HSPA4: variants seen among roughly 807,000 people sequenced by gnomAD.
HSPA4 encodes the protein heat shock protein family A (Hsp70) member 4, also known as heat shock 70 kDa protein 4.
In HSPA4, 25 loss-of-function variants were observed where a neutral mutation model predicts 106.2. The observed-to-expected ratio is 0.24, with a 90% confidence interval of 0.17 to 0.33. HSPA4 has a LOEUF of 0.33. Ranked by LOEUF, HSPA4 falls within the 10% of genes least tolerant of loss-of-function variation. The pLI, the probability that HSPA4 is intolerant of heterozygous loss-of-function variation, is 1.00. For synonymous variants in HSPA4, 332 were observed against 333.6 expected (o/e 1.00, Z 0.05); for missense variants, 841 against 996.0 (o/e 0.84, Z 2.10).
At chr5:133,099,803 A>C (rs776326050) in intron 16 of HSPA4, 151 bp downstream of exon 16, 2 of 439,276 alleles carry the variant, frequency 4.6e-6, no homozygotes, top group East Asian at 6.4e-5. Context: ...GCTCATTATC[A>C]TTCTCACTTT....
intron 2 of HSPA4, among the ~76,000 whole-genome samples, chr5:133,066,472 C>G (rs1765306402): frequency 6.6e-6 from 1 of 152,134 alleles, no homozygotes; most frequent in Admixed American, 6.6e-5. Context: ...TGTAAGTCAC[C>G]TGTTCAACCA....
At position 133,099,665 on chromosome 5, in the gene HSPA4, T is replaced by G. The variant is rs754548981; in HGVS notation, c.2037+13T>G. The G allele has an allele frequency of 6.9e-7, 1 of 1,438,864 alleles. No homozygotes were observed. Among genetic ancestry groups the G allele is most frequent in the Non-Finnish European group, 9.8e-7 (1 of 1,023,340 alleles). The allele number at this position is 1,438,864 out of a possible 1,614,324, so 89.1% of individuals were successfully genotyped here. ...GGCTGAATTAAAAGTAAGTGACTCT[T>G]GAGAGCAGAGGTATCCAGAACCCTT... On this transcript the variant is annotated intron_variant, in intron 16 of 18. Coordinates refer to ENST00000304858, the MANE Select transcript of HSPA4 (RefSeq NM_002154.4).
chr5:133,090,430 CAAAAAA>C (rs56263518), intron 11 of HSPA4, among the ~76,000 whole-genome samples: 6 of 54,892 alleles, frequency 1.1e-4, no homozygotes, highest in Non-Finnish European at 1.8e-4. Flanking sequence ...GACTCTGTCT[CAAAAAA>C]AAAAAAAAAA....
chr5:133,080,857 A>G (rs1765505885), intron 7 of HSPA4, among the ~76,000 whole-genome samples: 1 of 152,082 alleles, frequency 6.6e-6, no homozygotes, highest in African/African-American at 2.4e-5. Context: ...TTTTATTGAG[A>G]TATAATTCAC....
chr5:133,092,297 C>G (rs1198155810), intron 12 of HSPA4, among the ~76,000 whole-genome samples: 1 of 152,168 alleles, frequency 6.6e-6, no homozygotes, highest in East Asian at 1.9e-4. Context: ...GAGAGGCTGA[C>G]TTAGGAACTA....
chr5:133,069,595 C>G (rs1443610691), intron 3 of HSPA4, among the ~76,000 whole-genome samples: 1 of 152,152 alleles, frequency 6.6e-6, no homozygotes, highest in African/African-American at 2.4e-5. Context: ...GTGCCAGGTC[C>G]TGTTCTAGGT....
At chr5:133,057,162 T>A (rs1765175101) in intron 1 of HSPA4, among the ~76,000 whole-genome samples, 1 of 152,196 alleles carries the variant, frequency 6.6e-6, no homozygotes, top group Admixed American at 6.5e-5. Context: ...CTCTTTTTGG[T>A]ACTTTCTAGT....
rs780150453 is a variant in HSPA4 at position 133,086,838 on chromosome 5, G to A, written c.965G>A (p.Arg322His). ...DLLARVEPPL[R>H]SVLEQTKLKK... Reference sequence around the variant, plus strand: ...TTAGCTAGAGTGGAGCCACCACTTCGTAGTGTTTTGGAACAAACCAGTAAG... The same window carrying A: ...TTAGCTAGAGTGGAGCCACCACTTCATAGTGTTTTGGAACAAACCAGTAAG... The change falls in exon 8 of 19, where the codon CGT becomes CAT. Residue 322 changes from arginine (R) to histidine (H), a missense_variant. Physicochemically the swap from Arg to His is conservative, Grantham distance 29. Transcript: ENST00000304858. 24 of 1,612,532 alleles carry A rather than the reference G, an allele frequency of 1.5e-5. No homozygotes were observed. Among genetic ancestry groups the A allele is most frequent in the Middle Eastern group, 1.6e-4 (1 of 6,078 alleles).
chr5:133,071,383 G>A (rs1765378806), intron 4 of HSPA4, among the ~76,000 whole-genome samples: 1 of 151,928 alleles, frequency 6.6e-6, no homozygotes. Flanking sequence ...AGGAGTTTGA[G>A]GCTGCAGTGA....
chr5:133,081,004 A>G (rs183852666), intron 7 of HSPA4, among the ~76,000 whole-genome samples: 1 of 152,160 alleles, frequency 6.6e-6, no homozygotes, highest in East Asian at 1.9e-4. Flanking sequence ...ATTTCCCTCC[A>G]TACCCTAGGC....
At chr5:133,097,104 AT>A in intron 14 of HSPA4, 56 bp from the exon 15 acceptor site, 1 of 1,393,326 alleles carries the variant, frequency 7.2e-7, no homozygotes, top group South Asian at 1.3e-5. Flanking sequence ...TTATATTGGT[AT>A]TTAAGAGGAA....
In HSPA4 at chr5:133,089,452, T is replaced by C. The variant is rs1169331376; in HGVS notation, c.1245-110T>C. On this transcript the variant is annotated intron_variant, in intron 10 of 18. Coordinates refer to ENST00000304858, the MANE Select transcript of HSPA4 (RefSeq NM_002154.4). ...TCTTATAATCTGGAAATAATACCAATTGAAAAGAGAGAGAAACTAACACTG... is the reference window on the plus strand; with the variant it reads ...TCTTATAATCTGGAAATAATACCAACTGAAAAGAGAGAGAAACTAACACTG... The C allele has an allele frequency of 5.2e-6, 5 of 963,310 alleles. No homozygotes were observed. The East Asian group carries it at 1.2e-4, about 24-fold the overall frequency. The allele number at this position is 963,310 out of a possible 1,614,324, so 59.7% of individuals were successfully genotyped here. A position where few individuals can be genotyped will look rare whatever the true frequency, so the allele number is the denominator to read the frequency against.
intron 13 of HSPA4, 122 bp from the exon 14 acceptor site, chr5:133,095,976 C>T: frequency 4.3e-6 from 3 of 704,444 alleles, no homozygotes; most frequent in Middle Eastern, 2.7e-4. Context: ...TCCTAAGTTA[C>T]TTAGATCATC....
intron 17 of HSPA4, 104 bp downstream of exon 17, chr5:133,101,982 A>C: frequency 1.3e-6 from 1 of 792,758 alleles, no homozygotes; most frequent in Non-Finnish European, 1.9e-6. Flanking sequence ...GCTGGAGTAC[A>C]GTGGTACAAT....
chr5:133,075,338 C>A (rs1765434609), intron 6 of HSPA4, among the ~76,000 whole-genome samples: 1 of 152,100 alleles, frequency 6.6e-6, no homozygotes, highest in Admixed American at 6.6e-5. Flanking sequence ...TTTAGCCTGG[C>A]TTTGGATCAG....
rs1765086037 is a variant in HSPA4 at position 133,052,077 on chromosome 5, C to T, written c.-174C>T. 2 of 566,658 alleles carry T rather than the reference C, an allele frequency of 3.5e-6. No individual in the cohort carries two copies. Among genetic ancestry groups the T allele is most frequent in the Non-Finnish European group, 6.3e-6 (2 of 319,500 alleles). The allele number at this position is 566,658 out of a possible 1,614,324, so 35.1% of individuals were successfully genotyped here. On this transcript the variant is annotated 5_prime_UTR_variant, in exon 1 of 19. Transcript: ENST00000304858. ...GCCACTGAGCCGGAGCCGGCCTGAG[C>T]AGCGCTCTCGGTTGCAGTACCCACT...
intron 4 of HSPA4, among the ~76,000 whole-genome samples, chr5:133,072,415 T>TTG (rs1177051206): frequency 3.4e-5 from 5 of 145,070 alleles, no homozygotes; most frequent in South Asian, 4.4e-4. Context: ...TTTTTTTTTT[T>TTG]GGAGACTGAG....
At chr5:133,088,126 A>G (rs753440331) in intron 8 of HSPA4, among the ~76,000 whole-genome samples, 1 of 152,076 alleles carries the variant, frequency 6.6e-6, no homozygotes, top group Admixed American at 6.6e-5. Flanking sequence ...ATTGTGTGAG[A>G]AATTCAGGAC....
intron 16 of HSPA4, 195 bp from the exon 17 acceptor site, chr5:133,101,564 C>G (rs986668731): frequency 1.0e-5 from 5 of 488,952 alleles, no homozygotes; most frequent in South Asian, 3.1e-5. Flanking sequence ...TGAAGCGATT[C>G]CAGATGGATC....
Sources: allele counts gnomAD v4.1 joint callset (sites outside exome capture counted in the v4.1 genomes callset), GRCh38; gene constraint gnomAD v4.1.1; transcripts MANE v1.5; gene names NCBI Gene and HGNC (gene_info 2026-07-23, HGNC 2026-07-21).